Variants in ROBO2 observed in about 807,000 individuals in gnomAD.
ROBO2 encodes the protein roundabout homolog 2.
ROBO2 carries 53 observed loss-of-function variants against 160.8 expected under a neutral mutation model. The ratio of observed to expected loss-of-function variants is 0.33; its 90% CI spans 0.26 to 0.41. The LOEUF is 0.41. Ranked by LOEUF, ROBO2 falls within the 10% of genes least tolerant of loss-of-function variation. ROBO2 has a pLI of 1.00. For synonymous variants in ROBO2, 664 were observed against 611.7 expected (o/e 1.09, Z -1.26); for missense variants, 1,577 against 1,722.4 (o/e 0.92, Z 1.49).
intron 2 of ROBO2, among the ~76,000 whole-genome samples, chr3:77,374,450 A>G (rs1204228411): frequency 2.6e-5 from 4 of 152,164 alleles, no homozygotes; most frequent in Non-Finnish European, 4.4e-5. Context: ...ATGTCACTGC[A>G]GTGTCAGCCA....
At chr3:77,334,899 T>C (rs9813113) in intron 2 of ROBO2, among the ~76,000 whole-genome samples, 86,253 of 151,386 alleles carry the variant, frequency 0.57, 26,516 homozygotes, top group Non-Finnish European at 0.7. Flanking sequence ...GATTATCTAT[T>C]GTAAGGTTAT....
At chr3:76,187,079 T>C (rs993524734) in intron 2 of ROBO2, among the ~76,000 whole-genome samples, 3 of 148,274 alleles carry the variant, frequency 2.0e-5, no homozygotes, top group Non-Finnish European at 4.5e-5. Context: ...AAAAAAAAAC[T>C]TTGTCAATTT....
At chr3:76,789,103 A>T (rs1035065091) in intron 2 of ROBO2, among the ~76,000 whole-genome samples, 1 of 151,466 alleles carries the variant, frequency 6.6e-6, no homozygotes, top group African/African-American at 2.4e-5. Context: ...GTTAGGAGGA[A>T]ATCACCTCAT....
chr3:76,834,919 T>C (rs1332793998), intron 2 of ROBO2, among the ~76,000 whole-genome samples: 1 of 152,200 alleles, frequency 6.6e-6, no homozygotes, highest in African/African-American at 2.4e-5. Context: ...ACAGAGTTCC[T>C]GTGGAACAAA....
chr3:75,924,149 C>T (rs1947187006), intron 1 of ROBO2, among the ~76,000 whole-genome samples: 2 of 152,050 alleles, frequency 1.3e-5, no homozygotes, highest in South Asian at 2.1e-4. Context: ...AATAATGACC[C>T]TTAATAGGAT....
chr3:77,392,916 T>C (rs1302950540), intron 2 of ROBO2, among the ~76,000 whole-genome samples: 2 of 152,202 alleles, frequency 1.3e-5, no homozygotes, highest in African/African-American at 4.8e-5. Context: ...CCACTAAAAT[T>C]TGACCTTTCT....
At chr3:75,907,885 CAG>C (rs1235721965) in intron 1 of ROBO2, among the ~76,000 whole-genome samples, 2 of 118,296 alleles carry the variant, frequency 1.7e-5, no homozygotes, top group African/African-American at 6.8e-5. Context: ...GTGTGTGTAT[CAG>C]AGAGACAAAA....
intron 2 of ROBO2, among the ~76,000 whole-genome samples, chr3:76,292,284 T>G (rs1238847267): frequency 6.6e-6 from 1 of 152,206 alleles, no homozygotes; most frequent in Non-Finnish European, 1.5e-5. Context: ...CAGATGATGT[T>G]GTTAGCACCA....
chr3:77,596,225 G>C (rs536987838), intron 18 of ROBO2, among the ~76,000 whole-genome samples: 1 of 152,132 alleles, frequency 6.6e-6, no homozygotes, highest in South Asian at 2.1e-4. Flanking sequence ...GAACAGATAC[G>C]TAAGGTAGCT....
At chr3:76,923,759 T>C (rs1246785625) in intron 2 of ROBO2, among the ~76,000 whole-genome samples, 2 of 152,244 alleles carry the variant, frequency 1.3e-5, no homozygotes, top group Non-Finnish European at 2.9e-5. Context: ...AACTGAGCAG[T>C]TGTGCTACTG....
intron 2 of ROBO2, among the ~76,000 whole-genome samples, chr3:76,704,080 A>C (rs2093105930): frequency 6.6e-6 from 1 of 151,986 alleles, no homozygotes; most frequent in African/African-American, 2.4e-5. Context: ...GTTTGGATCA[A>C]CTTCTAACAA....
chr3:76,322,578 T>G (rs988086782), intron 2 of ROBO2, among the ~76,000 whole-genome samples: 3 of 152,136 alleles, frequency 2.0e-5, no homozygotes, highest in African/African-American at 7.2e-5. Context: ...GGTACACTAG[T>G]TAAATAATTT....
chr3:76,043,592 C>T (rs1205641922), intron 2 of ROBO2, among the ~76,000 whole-genome samples: 1 of 114,868 alleles, frequency 8.7e-6, no homozygotes, highest in African/African-American at 3.4e-5. Context: ...AAATGCAGAG[C>T]TTACACCCTA....
At chr3:76,209,863 AT>A (rs1355863339) in intron 2 of ROBO2, among the ~76,000 whole-genome samples, 1 of 152,128 alleles carries the variant, frequency 6.6e-6, no homozygotes, top group African/African-American at 2.4e-5. Context: ...AGCATTTAGA[AT>A]TTATCTTCTA....
At chr3:77,441,036 G>A (rs1386210659) in intron 2 of ROBO2, among the ~76,000 whole-genome samples, 1 of 151,844 alleles carries the variant, frequency 6.6e-6, no homozygotes, top group African/African-American at 2.4e-5. Context: ...CCTGCTGATT[G>A]TGGAAAGACA....
At chr3:77,021,713 T>A (rs2062649024) in intron 2 of ROBO2, among the ~76,000 whole-genome samples, 1 of 152,216 alleles carries the variant, frequency 6.6e-6, no homozygotes, top group Non-Finnish European at 1.5e-5. Flanking sequence ...TGGATCATGA[T>A]GACCCTGCCC....
chr3:76,413,274 A>G (rs1559907061), intron 2 of ROBO2, among the ~76,000 whole-genome samples: 1 of 152,166 alleles, frequency 6.6e-6, no homozygotes, highest in African/African-American at 2.4e-5. Context: ...TGGCTTGGAG[A>G]TATTTTCACC....
intron 2 of ROBO2, among the ~76,000 whole-genome samples, chr3:76,356,142 T>A (rs2075147284): frequency 6.6e-6 from 1 of 151,742 alleles, no homozygotes. Context: ...TTTAATTTGG[T>A]TATATATTGC....
chr3:77,028,946 C>T (rs2149541196), intron 2 of ROBO2, among the ~76,000 whole-genome samples: 1 of 152,294 alleles, frequency 6.6e-6, no homozygotes, highest in African/African-American at 2.4e-5. Flanking sequence ...TTTGGTACAA[C>T]ACAAGGCACT....
Sources: gnomAD v4.1 joint callset for allele counts (sites outside exome capture counted in the v4.1 genomes callset) on GRCh38, gnomAD v4.1.1 for gene constraint, MANE v1.5 for transcripts, NCBI Gene and HGNC (gene_info 2026-07-23, HGNC 2026-07-21) for gene names.